Variants in RPL3 observed in about 807,000 individuals in gnomAD.
RPL3 encodes the protein ribosomal protein L3, also known as large ribosomal subunit protein uL3.
Under a neutral mutation model 46.0 loss-of-function variants are expected in RPL3, and 3 were observed. The observed-to-expected ratio is 0.07, with a 90% CI of 0.03 to 0.17. The LOEUF (loss-of-function observed/expected upper bound fraction) is 0.17, where lower values mean the gene tolerates loss of function less well. RPL3 is among the 10% of genes least tolerant of loss of function. RPL3 has a pLI of 1.00. For synonymous variants in RPL3, 224 were observed against 190.8 expected (o/e 1.17, Z -1.43); for missense variants, 387 against 532.7 (o/e 0.73, Z 2.69).
rs1180623469 is a variant in RPL3, at chr22:39,318,578, G to A, written c.18C>T (p.Phe6=). The change falls in exon 2 of 10, where the codon TTC becomes TTT. Residue 6 remains phenylalanine, a synonymous_variant. Coordinates refer to ENST00000216146, the MANE Select transcript of RPL3 (RefSeq NM_000967.4). ...CGAGGGACCCATGTCTGGGAGCGGA[G>A]AACTTTCTGTGAGACTAGGTGGGAA... is the stretch of plus-strand genomic sequence containing the variant. The part of the protein sequence containing the change: MSHRK[F]SAPRHGSLGF... 2 of 1,610,490 alleles carry A rather than the reference G, an allele frequency of 1.2e-6. No individual in the cohort carries two copies. Among genetic ancestry groups the A allele is most frequent in the Admixed American group, 1.7e-5 (1 of 59,130 alleles).
chr22:39,313,326 G>A lies in RPL3; in HGVS notation c.1048-16C>T, dbSNP rs377399767. 8.1e-6 allele frequency: 13 copies of A among 1,613,792 alleles called. No homozygotes were observed. Among genetic ancestry groups the A allele is most frequent in the African/African-American group, 4.0e-5 (3 of 74,922 alleles). The stretch of plus-strand genomic sequence containing the variant: ...CCAGCAAGGACTATGGGCCAAGAGG[G>A]GAAGGGATTTAGGATTACGAGGAGC... On this transcript the variant is annotated splice_polypyrimidine_tract_variant and intron_variant, in intron 8 of 9. Coordinates refer to ENST00000216146, the MANE Select transcript of RPL3 (RefSeq NM_000967.4).
chr22:39,319,506 G>A, intron 1 of RPL3, 89 bp downstream of exon 1: 3 of 1,533,366 alleles, frequency 2.0e-6, no homozygotes, highest in Non-Finnish European at 2.7e-6. Context: ...AACCCCCGGC[G>A]CCGGCCAAGA....
Position 39,317,646 on chromosome 22 carries a change from G to T in RPL3, c.197-17C>A. On this transcript the variant is annotated splice_polypyrimidine_tract_variant and intron_variant, in intron 2 of 9. Transcript: ENST00000216146. ...TGTTCACCTCTGCAAAAAAAAAGCA[G>T]TAGTCAGACTTGGCAGGAGCCCAAG... The T allele has an allele frequency of 6.2e-7, 1 of 1,610,996 alleles. No individual in the cohort carries two copies. The highest frequency in any genetic ancestry group is 2.2e-5 in the East Asian group (1 of 44,802).
intron 1 of RPL3, chr22:39,319,182 A>C (rs1027921831): frequency 3.7e-6 from 2 of 536,820 alleles, no homozygotes; most frequent in Non-Finnish European, 7.5e-6. Flanking sequence ...ACTCCACAAC[A>C]CTCCCCTCCC....
intron 4 of RPL3, 144 bp from the exon 5 acceptor site, chr22:39,315,699 G>C: frequency 1.1e-6 from 1 of 942,714 alleles, no homozygotes; most frequent in Admixed American, 2.8e-5. Context: ...CTCACCAAGA[G>C]GAAGGAACTT....
At position 39,313,900 on chromosome 22, in the gene RPL3, T is replaced by A. The variant is rs770266351; in HGVS notation, c.952-171A>T. ...TGCCCAGCGCACATTCCAGGCCTCA[T>A]CACTGAACAGCTGAGCCTGAGACCC... On this transcript the variant is annotated intron_variant, in intron 7 of 9. Transcript: ENST00000216146. The A allele has an allele frequency of 4.7e-6, 4 of 845,942 alleles. No homozygotes were observed. The Admixed American group carries it at 5.1e-5, about 11-fold the overall frequency. The allele number at this position is 845,942 out of a possible 1,614,324, so 52.4% of individuals were successfully genotyped here.
rs1346152326 is a variant in RPL3, at chr22:39,319,619, T to G, written c.-22A>C. The G allele has an allele frequency of 1.3e-6, 2 of 1,549,986 alleles. No homozygotes were observed. The highest frequency in any genetic ancestry group is 1.4e-5 in the African/African-American group (1 of 72,816). ...CCATCACGCCATCAAATCCCGCCGG[T>G]AGAGGCCGGTCGGCCTTACGGGTCC... On this transcript the variant is annotated 5_prime_UTR_variant, in exon 1 of 10. Transcript: ENST00000216146.
intron 6 of RPL3, chr22:39,314,429 A>G: frequency 1.6e-6 from 1 of 623,666 alleles, no homozygotes; most frequent in South Asian, 2.0e-5. Flanking sequence ...CAGGCCTGTC[A>G]CCCCCCTGGT....
In RPL3 at chr22:39,314,697, T is replaced by C. The variant is rs575413950; in HGVS notation, c.838A>G (p.Ile280Val). The C allele has an allele frequency of 1.9e-6, 3 of 1,612,852 alleles. No individual in the cohort carries two copies. Among genetic ancestry groups the C allele is most frequent in the Non-Finnish European group, 2.5e-6 (3 of 1,179,650 alleles). ...TCTCAGAACCTCACCTTCTTGTTGA[T>C]CTCAGTGCGGTGATGGTAGCCTTTC... ...GQKGYHHRTE[I>V]NKKIYKIGQG... The change falls in exon 6 of 10, where the codon ATC becomes GTC. Residue 280 changes from isoleucine (I) to valine (V), a missense_variant. Transcript: ENST00000216146.
intron 3 of RPL3, 46 bp downstream of exon 3, chr22:39,317,400 TGCTCCCTGCTCTCCA>T (rs1486467086): frequency 6.4e-7 from 1 of 1,561,800 alleles, no homozygotes; most frequent in Non-Finnish European, 8.7e-7. Flanking sequence ...ATGCACACGC[TGCTCCCTGCTCTCCA>T]GCTCCCAAGC....
chr22:39,318,503 G>A lies in RPL3; in HGVS notation c.93C>T (p.Ser31=), dbSNP rs768379325. The A allele has an allele frequency of 5.0e-6, 8 of 1,613,868 alleles. No homozygotes were observed. The African/African-American group carries it at 5.3e-5, about 11-fold the overall frequency. ...RSSRHRGKVK[S]FPKDDPSKPV... is the part of the protein sequence containing the mutation. ...GCTTGGACGGGTCATCCTTAGGGAA[G>A]CTCTTCACCTTCCCACGATGCCTGC... Residue 31 remains serine, a synonymous_variant, in exon 2 of 10, where the codon AGC becomes AGT. Coordinates refer to ENST00000216146, the MANE Select transcript of RPL3 (RefSeq NM_000967.4).
At chr22:39,319,389 C>G (rs1922909583) in intron 1 of RPL3, 1 of 683,084 alleles carries the variant, frequency 1.5e-6, no homozygotes, top group Non-Finnish European at 2.5e-6. Flanking sequence ...CTCTGGCCGA[C>G]CTGCAGGCCC....
intron 7 of RPL3, 91 bp from the exon 8 acceptor site, chr22:39,313,820 C>G (rs771014522): frequency 8.4e-7 from 1 of 1,191,128 alleles, no homozygotes; most frequent in Non-Finnish European, 1.3e-6. Flanking sequence ...GACCACAGGG[C>G]TGTTCTCAGA....
chr22:39,316,622 A>G, intron 4 of RPL3, 84 bp downstream of exon 4: 1 of 1,569,780 alleles, frequency 6.4e-7, no homozygotes, highest in Non-Finnish European at 8.7e-7. Context: ...CCTACCCATA[A>G]GCGTGCGGGC....
Position 39,314,829 on chromosome 22 carries a change from G to A in RPL3, c.706C>T (p.His236Tyr), listed in dbSNP as rs1175517198. The A allele has an allele frequency of 1.9e-6, 3 of 1,613,592 alleles. No individual in the cohort carries two copies. The highest frequency in any genetic ancestry group is 2.5e-6 in the Non-Finnish European group (3 of 1,179,846). Reference protein sequence around the residue: ...KGYKGVTSRWHTKKLPRKTHR... With the variant: ...KGYKGVTSRWYTKKLPRKTHR... Reference sequence around the variant, plus strand: ...GTCTTGCGGGGCAGCTTCTTGGTGTGCCAACGACTGGTGACCCCTGGAATG... The same window carrying A: ...GTCTTGCGGGGCAGCTTCTTGGTGTACCAACGACTGGTGACCCCTGGAATG... The change falls in exon 6 of 10, where the codon CAC (histidine) becomes TAC (tyrosine). Residue 236 changes from histidine (H) to tyrosine (Y), a missense_variant. His to Tyr is a moderately conservative substitution (Grantham distance 83). Coordinates refer to ENST00000216146, the MANE Select transcript of RPL3 (RefSeq NM_000967.4).
chr22:39,317,096 T>G, intron 3 of RPL3: 1 of 630,572 alleles, frequency 1.6e-6, no homozygotes, highest in East Asian at 2.8e-5. Context: ...CAAACCTTTC[T>G]GCCCTGGGGA....
Position 39,316,715 on chromosome 22 carries a change from G to A in RPL3, c.492C>T (p.Ala164=). 6.2e-7 allele frequency: 1 copy of A among 1,612,300 alleles called. No homozygotes were observed. The highest frequency in any genetic ancestry group is 8.5e-7 in the Non-Finnish European group (1 of 1,179,862). ...GGGGCACTGGGCTCACCTGGGTGTGGGCAATGACACGGATGACTTGGCAGT... is the reference window on the plus strand; with the variant it reads ...GGGGCACTGGGCTCACCTGGGTGTGAGCAATGACACGGATGACTTGGCAGT... ...KKYCQVIRVI[A]HTQMRLLPLR... The change falls in exon 4 of 10, where the codon GCC becomes GCT. Residue 164 remains alanine (A), a synonymous_variant. Coordinates refer to ENST00000216146, the MANE Select transcript of RPL3 (RefSeq NM_000967.4).
In RPL3 at chr22:39,316,637, G is replaced by T. The variant is rs1922710390; in HGVS notation, c.501+69C>A. The T allele has an allele frequency of 1.1e-5, 18 of 1,598,878 alleles. No individual in the cohort carries two copies. In the South Asian group the frequency reaches 2.0e-4, roughly 18 times the overall value. ...CCTACCCATAAGCGTGCGGGCACGGGACCCCCATGATCACATAGGTCACTT... is the reference window on the plus strand; with the variant it reads ...CCTACCCATAAGCGTGCGGGCACGGTACCCCCATGATCACATAGGTCACTT... On this transcript the variant is annotated intron_variant, in intron 4 of 9. Coordinates refer to ENST00000216146, the MANE Select transcript of RPL3 (RefSeq NM_000967.4).
chr22:39,314,871 C>T (rs752087235), intron 5 of RPL3, 25 bp from the exon 6 acceptor site: 11 of 1,603,568 alleles, frequency 6.9e-6, no homozygotes, highest in East Asian at 2.2e-5. Flanking sequence ...CATTACTTCA[C>T]CTCAGCGCCC....
Sources: gnomAD v4.1 joint callset for allele counts on GRCh38, gnomAD v4.1.1 for gene constraint, MANE v1.5 for transcripts, NCBI Gene and HGNC (gene_info 2026-07-23, HGNC 2026-07-21) for gene names.